The following NONO variants were observed in gnomAD, a reference collection of about 807,000 sequenced individuals.
NONO encodes non-POU domain containing octamer binding.
Under a neutral mutation model 40.2 loss-of-function variants are expected in NONO, and 6 were observed. The ratio of observed to expected loss-of-function variants is 0.15; its 90% CI spans 0.08 to 0.29. NONO has a LOEUF of 0.29. Ranked by LOEUF, NONO falls within the 10% of genes least tolerant of loss-of-function variation. NONO has a pLI of 1.00. For missense variants in NONO, 133 were observed against 397.8 expected (o/e 0.33, Z 5.66); for synonymous variants, 89 against 123.3 (o/e 0.72, Z 1.85).
chrX:71,283,899 C>T (rs1318595292), intron 1 of NONO, 178 bp downstream of exon 1: 1 of 112,102 alleles, frequency 8.9e-6, no homozygotes, highest in East Asian at 2.8e-4. Context: ...GGGGGGCCAC[C>T]TTTCTCAACT....
intron 1 of NONO, chrX:71,284,071 A>C (rs1189888126): frequency 9.0e-6 from 1 of 111,713 alleles, no homozygotes; most frequent in Non-Finnish European, 1.9e-5. Flanking sequence ...GGTTGGTTAG[A>C]GGAGGAGGCG....
At chrX:71,299,841 G>T in intron 11 of NONO, 101 bp from the exon 12 acceptor site, 1 of 1,036,675 alleles carries the variant, frequency 9.6e-7, no homozygotes, top group South Asian at 2.1e-5. Context: ...CAGGAGCCTT[G>T]AATAGTTGAA....
At chrX:71,283,962 A>G (rs1371125167) in intron 1 of NONO, 2 of 110,875 alleles carry the variant, frequency 1.8e-5, no homozygotes, top group African/African-American at 6.6e-5. Flanking sequence ...TCTTTGTGCA[A>G]CTCATCTCCG....
chrX:71,297,563 C>A, intron 8 of NONO, 102 bp downstream of exon 8: 2 of 634,810 alleles, frequency 3.2e-6, no homozygotes, highest in Non-Finnish European at 4.9e-6. Context: ...AATGTGTTGG[C>A]AAATATTTCC....
intron 2 of NONO, among the ~76,000 whole-genome samples, chrX:71,286,470 G>A (rs909084618): frequency 9.0e-6 from 1 of 111,677 alleles, no homozygotes; most frequent in African/African-American, 3.2e-5. Context: ...CCTAGCAAAT[G>A]GTAGGCATTC....
intron 9 of NONO, 119 bp downstream of exon 9, chrX:71,298,057 AAAG>A (rs1390659041): frequency 6.0e-6 from 3 of 496,132 alleles, no homozygotes; most frequent in Non-Finnish European, 1.0e-5. Flanking sequence ...CCTTTAGAAA[AAAG>A]AATTCATAAG....
intron 2 of NONO, among the ~76,000 whole-genome samples, chrX:71,286,373 TTA>T (rs2031188672): frequency 9.0e-6 from 1 of 111,464 alleles, no homozygotes; most frequent in Non-Finnish European, 1.9e-5. Flanking sequence ...TATAATTTAC[TTA>T]TATATATTGT....
chrX:71,286,068 T>C (rs770386470), intron 2 of NONO, among the ~76,000 whole-genome samples: 20 of 112,234 alleles, frequency 1.8e-4, no homozygotes, highest in African/African-American at 6.4e-4. Context: ...GATTTTTATA[T>C]TTGTATTTTT....
Position 71,299,977 on chromosome X carries a change from T to C in NONO, c.1317T>C (p.Ala439=). 8.3e-7 allele frequency: 1 copy of C among 1,211,346 alleles called. No individual in the cohort carries two copies. The highest frequency in any genetic ancestry group is 1.7e-5 in the African/African-American group (1 of 57,819). Reference sequence around the variant, plus strand: ...CAACTGAACGCTTTGGTCAGGCTGCTACAATGGAAGGAATTGGGGCAATTG... The same window carrying C: ...CAACTGAACGCTTTGGTCAGGCTGCCACAATGGAAGGAATTGGGGCAATTG... ...PPTTERFGQA[A]TMEGIGAIGG... The change falls in exon 12 of 12, where the codon GCT becomes GCC. Residue 439 remains alanine (A), a synonymous_variant. Coordinates refer to ENST00000276079, the MANE Select transcript of NONO (RefSeq NM_007363.5).
intron 5 of NONO, among the ~76,000 whole-genome samples, chrX:71,294,924 T>C (rs1412904937): frequency 4.0e-5 from 4 of 99,340 alleles, no homozygotes; most frequent in African/African-American, 1.5e-4. Flanking sequence ...CTCAAAAAAA[T>C]AAATAAAAGA....
Position 71,300,062 on chromosome X carries a change from C to T in NONO, c.1402C>T (p.Arg468Cys), listed in dbSNP as rs2031544710. 1 of 1,210,883 alleles carries T rather than the reference C, an allele frequency of 8.3e-7. No homozygotes were observed. The highest frequency in any genetic ancestry group is 1.1e-6 in the Non-Finnish European group (1 of 895,196). ...TGGAGCTGAATTTGCCCCAAACAAA[C>T]GTCGCCGATACTAATAAGTTGCAGT... ...APGAEFAPNK[R>C]RRY Residue 468 changes from arginine to cysteine, a missense_variant, in exon 12 of 12, where the codon CGT becomes TGT. Physicochemically the swap from Arg to Cys is radical, Grantham distance 180. Around this residue, in one of 3 missense-constraint regions of NONO, gnomAD observed 73 missense variants for 162.2 expected, o/e 0.45. Transcript: ENST00000276079.
chrX:71,295,220 CAA>C (rs1193819209), intron 5 of NONO, among the ~76,000 whole-genome samples: 9 of 31,074 alleles, frequency 2.9e-4, no homozygotes, highest in Admixed American at 8.4e-4. Context: ...GACTCTGTCT[CAA>C]AAAAAAAAAA....
At chrX:71,299,805 C>A in intron 11 of NONO, 137 bp from the exon 12 acceptor site, 1 of 756,183 alleles carries the variant, frequency 1.3e-6, no homozygotes, top group Non-Finnish European at 1.9e-6. Context: ...TCTAAACAGA[C>A]TTAGTCACCC....
chrX:71,295,823 C>T (rs1432350093), intron 5 of NONO, among the ~76,000 whole-genome samples: 1 of 111,867 alleles, frequency 8.9e-6, no homozygotes, highest in East Asian at 2.8e-4. Flanking sequence ...TAAGCTTTCT[C>T]GTATGATTTT....
intron 2 of NONO, among the ~76,000 whole-genome samples, chrX:71,288,119 C>T (rs373876580): frequency 1.8e-3 from 99 of 53,704 alleles, no homozygotes; most frequent in East Asian, 4.1e-3. Flanking sequence ...TTATTTTTAT[C>T]TTTTTTTTTT....
chrX:71,288,008 ATTTTTTTTT>A (rs1198660933), intron 2 of NONO, among the ~76,000 whole-genome samples: 4 of 71,968 alleles, frequency 5.6e-5, no homozygotes, highest in African/African-American at 2.0e-4. Context: ...TGCTGGCTTC[ATTTTTTTTT>A]TTTTTTTTTT....
intron 2 of NONO, among the ~76,000 whole-genome samples, chrX:71,285,659 T>C: frequency 8.9e-6 from 1 of 112,233 alleles, no homozygotes; most frequent in East Asian, 2.8e-4. Context: ...ATTACAATTA[T>C]GTTGACATTA....
At position 71,292,245 on chromosome X, in the gene NONO, T is replaced by C. The variant is rs187201572; in HGVS notation, c.348+273T>C. The stretch of plus-strand genomic sequence containing the variant: ...GGAGTATCACTCTTGTGGCCCAGGC[T>C]GGCGTGCAGTGGCATGGTCTCGGCT... On this transcript the variant is annotated intron_variant, in intron 4 of 11. Transcript: ENST00000276079. 5.2e-3 allele frequency: 838 copies of C among 161,053 alleles called. 11 individuals are homozygous for C. The highest frequency in any genetic ancestry group is 0.024 in the African/African-American group (781 of 31,912). The allele number at this position is 161,053 out of a possible 1,213,427, so 13.3% of individuals were successfully genotyped here. A position where few individuals can be genotyped will look rare whatever the true frequency, so the allele number is the denominator to read the frequency against.
At chrX:71,295,073 A>AT (rs1315229895) in intron 5 of NONO, among the ~76,000 whole-genome samples, 11 of 108,319 alleles carry the variant, frequency 1.0e-4, no homozygotes, top group Non-Finnish European at 2.1e-4. Context: ...AATAAATAAA[A>AT]TAAAAATACC....
Sources: allele counts gnomAD v4.1 joint callset (sites outside exome capture counted in the v4.1 genomes callset), GRCh38; gene constraint gnomAD v4.1.1; regional missense constraint gnomAD v4.1.1; transcripts MANE v1.5; gene names NCBI Gene and HGNC (gene_info 2026-07-23, HGNC 2026-07-21).